Variants in STXBP3 observed in about 807,000 individuals in gnomAD.
STXBP3 encodes syntaxin-binding protein 3.
In STXBP3, 41 loss-of-function variants were observed where a neutral mutation model predicts 85.7. The observed-to-expected ratio is 0.48, with a 90% CI of 0.37 to 0.62. The LOEUF (loss-of-function observed/expected upper bound fraction) is 0.62, where lower values mean the gene tolerates loss of function less well. Among genes scored for constraint, STXBP3 ranks in the 20% least tolerant of loss-of-function variants. The probability of loss-of-function intolerance (pLI) is 0.00; values close to 1 mark genes in which losing one functional copy is unlikely to be tolerated. For missense variants in STXBP3, 563 were observed against 703.1 expected (o/e 0.80, Z 2.25); for synonymous variants, 229 against 231.7 (o/e 0.99, Z 0.10).
intron 17 of STXBP3, among the ~76,000 whole-genome samples, chr1:108,801,848 T>C (rs190418863): frequency 1.3e-5 from 2 of 152,122 alleles, no homozygotes; most frequent in Admixed American, 6.5e-5. Flanking sequence ...TTTAAATGTC[T>C]TGTAGAGACA....
chr1:108,779,207 T>C lies in STXBP3; in HGVS notation c.685-79T>C, dbSNP rs893755241. On this transcript the variant is annotated intron_variant, in intron 8 of 18. Transcript: ENST00000370008. ...GGGACAGAACTTAGGAAAAGGGTGC[T>C]TTGTATTCTAAGATATTAAAACTAT... is the stretch of plus-strand genomic sequence containing the variant. 5 of 1,468,122 alleles carry C rather than the reference T, an allele frequency of 3.4e-6. No individual in the cohort carries two copies. In the African/African-American group the frequency reaches 7.0e-5, roughly 21 times the overall value. The allele number at this position is 1,468,122 out of a possible 1,614,324, so 90.9% of individuals were successfully genotyped here.
intron 9 of STXBP3, chr1:108,779,618 A>AT (rs1193015690): frequency 2.3e-6 from 1 of 427,972 alleles, no homozygotes; most frequent in South Asian, 8.7e-5. Context: ...GCTTTGGAGC[A>AT]TTTTTGGTGT....
At chr1:108,763,927 T>C (rs1662203027) in intron 6 of STXBP3, among the ~76,000 whole-genome samples, 1 of 152,092 alleles carries the variant, frequency 6.6e-6, no homozygotes, top group Admixed American at 6.5e-5. Context: ...ATTTGCCAGT[T>C]TGTTATAGGT....
intron 4 of STXBP3, 151 bp from the exon 5 acceptor site, chr1:108,758,359 T>C (rs1430883941): frequency 5.1e-6 from 2 of 389,798 alleles, no homozygotes; most frequent in Non-Finnish European, 9.5e-6. Context: ...CTGGAGAACA[T>C]AGCATCTTAA....
chr1:108,771,513 A>AT (rs1662415660), intron 6 of STXBP3, among the ~76,000 whole-genome samples: 1 of 43,390 alleles, frequency 2.3e-5, no homozygotes, highest in African/African-American at 1.2e-4. Context: ...ATGATATATA[A>AT]ATATATATGA....
In STXBP3 at chr1:108,794,141, A is replaced by G. The variant is rs913928447; in HGVS notation, c.1029+494A>G. ...TAAAATACTTGAAACATTTAGAAAG[A>G]TAAATAGAATATGAACTTGAAGAAC... On this transcript the variant is annotated intron_variant, in intron 12 of 18. Coordinates refer to ENST00000370008, the MANE Select transcript of STXBP3 (RefSeq NM_007269.4). 4.0e-4 allele frequency among the ~76,000 whole-genome samples: 61 copies of G among 152,198 alleles called. 1 individual carries two copies. Among genetic ancestry groups the G allele is most frequent in the African/African-American group, 1.5e-3 (61 of 41,442 alleles).
intron 18 of STXBP3, 65 bp downstream of exon 18, chr1:108,807,614 TC>T: frequency 6.7e-7 from 1 of 1,502,582 alleles, no homozygotes; most frequent in African/African-American, 1.4e-5. Flanking sequence ...CTCGGTCTTG[TC>T]CCCCAGGCTG....
chr1:108,795,892 T>C (rs1373827988), intron 13 of STXBP3, among the ~76,000 whole-genome samples: 3 of 152,154 alleles, frequency 2.0e-5, no homozygotes, highest in Non-Finnish European at 1.5e-5. Flanking sequence ...TGAGACGGAG[T>C]TTCGCTCTTG....
At chr1:108,772,300 CTGTATCATATATAAATACATATGA>C (rs1213095685) in intron 6 of STXBP3, among the ~76,000 whole-genome samples, 28 of 70,044 alleles carry the variant, frequency 4.0e-4, no homozygotes, top group African/African-American at 1.1e-3. Flanking sequence ...CATATGATAT[CTGTATCATATATAAATACATATGA>C]TATCTGTATC....
intron 16 of STXBP3, among the ~76,000 whole-genome samples, chr1:108,798,529 C>T (rs1177105109): frequency 6.6e-6 from 1 of 151,000 alleles, no homozygotes; most frequent in Non-Finnish European, 1.5e-5. Flanking sequence ...AATTCTCTTG[C>T]CTCAGCCTCC....
intron 6 of STXBP3, among the ~76,000 whole-genome samples, chr1:108,762,448 A>G (rs764633930): frequency 1.3e-5 from 2 of 152,044 alleles, no homozygotes; most frequent in Non-Finnish European, 2.9e-5. Context: ...CATGGCCCTT[A>G]TGATCTAAGA....
chr1:108,772,018 A>C (rs1418476780), intron 6 of STXBP3, among the ~76,000 whole-genome samples: 1 of 19,562 alleles, frequency 5.1e-5, no homozygotes, highest in African/African-American at 2.1e-4. Flanking sequence ...TGATATCTGT[A>C]TCATATATAA....
chr1:108,757,663 A>G lies in STXBP3; in HGVS notation c.259-847A>G, dbSNP rs1662049354. On this transcript the variant is annotated intron_variant, in intron 4 of 18. Coordinates refer to ENST00000370008, the MANE Select transcript of STXBP3 (RefSeq NM_007269.4). The stretch of plus-strand genomic sequence containing the variant: ...AGTGGATAATGGAGCAGAAACTGCC[A>G]TATACTGCTAGTGGGAGTATAGATT... Among the ~76,000 whole-genome samples, 4 of 152,170 alleles carry G rather than the reference A, an allele frequency of 2.6e-5. No homozygotes were observed. The South Asian group carries it at 6.2e-4, about 24-fold the overall frequency.
At chr1:108,769,360 T>G (rs985882781) in intron 6 of STXBP3, among the ~76,000 whole-genome samples, 1 of 152,098 alleles carries the variant, frequency 6.6e-6, no homozygotes, top group Non-Finnish European at 1.5e-5. Flanking sequence ...GAAAAAAATC[T>G]GCATATAAGT....
rs1662615910 is a variant in STXBP3 at position 108,777,570 on chromosome 1, AAT to A, written c.684+1149_684+1150del. 3.9e-5 allele frequency among the ~76,000 whole-genome samples: 6 copies of A among 152,300 alleles called. No homozygotes were observed. The South Asian group carries it at 1.2e-3, about 32-fold the overall frequency. On this transcript the variant is annotated intron_variant, in intron 8 of 18. Coordinates refer to ENST00000370008, the MANE Select transcript of STXBP3 (RefSeq NM_007269.4). ...GGCTTAGTACACATCGTAGATAGTG[AAT>A]AAATGTTTGTTGAATGAAGAGATAT...
chr1:108,750,891 A>G (rs1411329050), intron 1 of STXBP3, among the ~76,000 whole-genome samples: 1 of 152,222 alleles, frequency 6.6e-6, no homozygotes, highest in Non-Finnish European at 1.5e-5. Flanking sequence ...TTACCAGTTT[A>G]TTACAAAAGA....
In STXBP3 at chr1:108,809,055, A is replaced by C. The variant is rs1042322636; in HGVS notation, c.*178A>C. The C allele has an allele frequency of 1.6e-5, 8 of 512,368 alleles. No homozygotes were observed. The highest frequency in any genetic ancestry group is 2.7e-5 in the Non-Finnish European group (8 of 296,972). The allele number at this position is 512,368 out of a possible 1,614,324, so 31.7% of individuals were successfully genotyped here. The stretch of plus-strand genomic sequence containing the variant: ...TGGATTTGTCATTTTTGATAATTTA[A>C]ATATTGCTGCTGCTTTGTAGATGAT... On this transcript the variant is annotated 3_prime_UTR_variant, in exon 19 of 19. Transcript: ENST00000370008.
intron 11 of STXBP3, among the ~76,000 whole-genome samples, chr1:108,789,763 A>G (rs1403993664): frequency 2.0e-5 from 3 of 152,158 alleles, no homozygotes; most frequent in Non-Finnish European, 4.4e-5. Context: ...CTTTTAAAAT[A>G]TGTTAAGACT....
Position 108,746,743 on chromosome 1 carries a change from G to A in STXBP3, c.6G>A (p.Ala2=). The A allele has an allele frequency of 3.9e-6, 6 of 1,550,044 alleles. No individual in the cohort carries two copies. Among genetic ancestry groups the A allele is most frequent in the Non-Finnish European group, 5.2e-6 (6 of 1,146,376 alleles). Residue 2 remains alanine, a synonymous_variant, in exon 1 of 19, where the codon GCG becomes GCA. Transcript: ENST00000370008. ...TGCTCCGCAGTGTCGGGAAGATGGCGCCGCCGGTGGCAGAGAGGGGGCTAA... is the reference window on the plus strand; with the variant it reads ...TGCTCCGCAGTGTCGGGAAGATGGCACCGCCGGTGGCAGAGAGGGGGCTAA... The part of the protein sequence containing the change: M[A]PPVAERGLKS...
Sources: allele counts gnomAD v4.1 joint callset (sites outside exome capture counted in the v4.1 genomes callset), GRCh38; gene constraint gnomAD v4.1.1; transcripts MANE v1.5; gene names NCBI Gene and HGNC (gene_info 2026-07-23, HGNC 2026-07-21).